The following ZGRF1 variants were observed in gnomAD, a reference collection of about 807,000 sequenced individuals.
The protein encoded by ZGRF1 is zinc finger GRF-type containing 1.
A neutral mutation model predicts 203.5 loss-of-function variants in ZGRF1; 196 were observed. The ratio of observed to expected loss-of-function variants is 0.96; its 90% CI spans 0.86 to 1.08. ZGRF1 has a LOEUF of 1.08. Ranked by LOEUF, ZGRF1 falls within the 50% of genes least tolerant of loss-of-function variation. The pLI is 0.00. For synonymous variants in ZGRF1, 809 were observed against 841.3 expected (o/e 0.96, Z 0.66); for missense variants, 2,326 against 2,416.3 (o/e 0.96, Z 0.78).
chr4:112,541,888 A>T (rs1398010582), intron 24 of ZGRF1, among the ~76,000 whole-genome samples: 2 of 152,186 alleles, frequency 1.3e-5, no homozygotes, highest in Non-Finnish European at 2.9e-5. Context: ...AGCATCTCTT[A>T]AAAAATTAGG....
rs375196369 is a variant in ZGRF1 at position 112,560,826 on chromosome 4, G to C, written c.4867C>G (p.Leu1623Val). ...GCCATCATTTGAGCTATTTGAATTA[G>C]AGCTGTAGCTTGATCCTTGTTTAAC... ...HKLNKDQATA[L>V]IQIAQMMASH... The change falls in exon 19 of 28, where the codon CTA becomes GTA. Residue 1623 changes from leucine (L) to valine (V), a missense_variant. By Grantham distance (32) the Leu-to-Val change is conservative. Coordinates refer to ENST00000505019, the MANE Select transcript of ZGRF1 (RefSeq NM_018392.5). 96 of 1,613,252 alleles carry C rather than the reference G, an allele frequency of 6.0e-5. No homozygotes were observed. Among genetic ancestry groups the C allele is most frequent in the South Asian group, 1.4e-4 (13 of 91,058 alleles).
chr4:112,577,018 C>A (rs186193444), intron 16 of ZGRF1, among the ~76,000 whole-genome samples: 1 of 150,244 alleles, frequency 6.7e-6, no homozygotes, highest in Non-Finnish European at 1.5e-5. Flanking sequence ...ATGTTAAGGG[C>A]GGCCAAAGAG....
chr4:112,563,746 T>G (rs1422011194), intron 16 of ZGRF1, among the ~76,000 whole-genome samples: 2 of 152,226 alleles, frequency 1.3e-5, no homozygotes, highest in Admixed American at 1.3e-4. Context: ...ATTAATATCT[T>G]AAATGAGAAA....
intron 8 of ZGRF1, among the ~76,000 whole-genome samples, chr4:112,608,738 T>C (rs959936452): frequency 9.2e-5 from 14 of 152,226 alleles, no homozygotes; most frequent in African/African-American, 3.4e-4. Flanking sequence ...ATATGTGTAA[T>C]CTTGTTACAT....
Position 112,595,328 on chromosome 4 carries a change from AAT to A in ZGRF1, c.2977-5456_2977-5455del, listed in dbSNP as rs1329516520. On this transcript the variant is annotated intron_variant, in intron 10 of 27. Coordinates refer to ENST00000505019, the MANE Select transcript of ZGRF1 (RefSeq NM_018392.5). ...ACGTTCTAAGTAATTTTGCTGTTTAAATGTCTTCAAAAGATTATACTATGATT... is the reference window on the plus strand; with the variant it reads ...ACGTTCTAAGTAATTTTGCTGTTTAAGTCTTCAAAAGATTATACTATGATT... Among the ~76,000 whole-genome samples the A allele has an allele frequency of 6.8e-3, 1,029 of 152,312 alleles. 15 individuals carry two copies. Among genetic ancestry groups the A allele is most frequent in the African/African-American group, 0.023 (972 of 41,562 alleles).
rs760473394 is a variant in ZGRF1 at position 112,547,317 on chromosome 4, C to T, written c.5566G>A (p.Glu1856Lys). Residue 1856 changes from glutamate (E) to lysine (K), a missense_variant, in exon 24 of 28, where the codon GAA (glutamate) becomes AAA (lysine). Transcript: ENST00000505019. ...GSDAAHENGL[E>K]QTLFDRLCLM... Reference sequence around the variant, plus strand: ...CAAAGTCGATCAAAAAGAGTTTGTTCCAATCCATTTTCATGAGCTGCATCA... The same window carrying T: ...CAAAGTCGATCAAAAAGAGTTTGTTTCAATCCATTTTCATGAGCTGCATCA... The T allele has an allele frequency of 6.2e-7, 1 of 1,613,346 alleles. No homozygotes were observed. Among genetic ancestry groups the T allele is most frequent in the Non-Finnish European group, 8.5e-7 (1 of 1,179,682 alleles).
Position 112,539,974 on chromosome 4 carries a change from T to C in ZGRF1, c.6061A>G (p.Lys2021Glu). 6.2e-7 allele frequency: 1 copy of C among 1,613,822 alleles called. No individual in the cohort carries two copies. The highest frequency in any genetic ancestry group is 8.5e-7 in the Non-Finnish European group (1 of 1,179,780). The change falls in exon 27 of 28, where the codon AAA becomes GAA. Residue 2021 changes from lysine to glutamate, a missense_variant. Transcript: ENST00000505019. ...TRQVGFIDSE[K>E]RMNVALTRGK... is the part of the protein sequence containing the mutation. ...CTAGTCAATGCAACATTCATTCTTT[T>C]TTCTGAATCAATGAATCCTACTTGT...
intron 10 of ZGRF1, among the ~76,000 whole-genome samples, chr4:112,592,061 A>G (rs1009355959): frequency 3.3e-5 from 5 of 151,502 alleles, no homozygotes; most frequent in Admixed American, 1.3e-4. Context: ...AGTTTGCTAC[A>G]TACATGGTCT....
At position 112,558,307 on chromosome 4, in the gene ZGRF1, C is replaced by T. The variant is rs767129302; in HGVS notation, c.4963G>A (p.Val1655Met). 3 of 1,509,928 alleles carry T rather than the reference C, an allele frequency of 2.0e-6. No individual in the cohort carries two copies. The highest frequency in any genetic ancestry group is 2.7e-5 in the South Asian group (2 of 72,874). The allele number at this position is 1,509,928 out of a possible 1,614,324, so 93.5% of individuals were successfully genotyped here. A position where few individuals can be genotyped will look rare whatever the true frequency, so the allele number is the denominator to read the frequency against. The change falls in exon 20 of 28, where the codon GTG becomes ATG. Residue 1655 changes from valine to methionine, a missense_variant and splice_region_variant. Physicochemically the swap from Val to Met is conservative, Grantham distance 21 (BLOSUM62 1). Coordinates refer to ENST00000505019, the MANE Select transcript of ZGRF1 (RefSeq NM_018392.5). Reference protein sequence around the residue: ...HTFPITIIHGVFGAGKSYLLA... With the variant: ...HTFPITIIHGMFGAGKSYLLA... ...AAGTAACTCTTTCCTGCTCCAAACA[C>T]ACCTAATTATTTTAAAAGAAGAAAA...
intron 22 of ZGRF1, 141 bp from the exon 23 acceptor site, chr4:112,548,521 C>T (rs1226626398): frequency 2.3e-5 from 13 of 572,554 alleles, no homozygotes; most frequent in Non-Finnish European, 3.4e-5. Flanking sequence ...CTTAGGTCAT[C>T]GTATCTCCAA....
At chr4:112,548,558 G>T (rs1405508946) in intron 22 of ZGRF1, among the ~76,000 whole-genome samples, 178 bp from the exon 23 acceptor site, 4 of 151,608 alleles carry the variant, frequency 2.6e-5, no homozygotes, top group Non-Finnish European at 5.9e-5. Context: ...CATACAAAAT[G>T]GAAATCAACA....
rs750063454 is a variant in ZGRF1, at chr4:112,581,765, G to T, written c.4336C>A (p.Leu1446Ile). 1.3e-6 allele frequency: 2 copies of T among 1,510,296 alleles called. No individual in the cohort carries two copies. Among genetic ancestry groups the T allele is most frequent in the South Asian group, 2.6e-5 (2 of 76,592 alleles). The allele number at this position is 1,510,296 out of a possible 1,614,324, so 93.6% of individuals were successfully genotyped here. The change falls in exon 16 of 28, where the codon CTA becomes ATA. Residue 1446 changes from leucine to isoleucine, a missense_variant. Transcript: ENST00000505019. ...FDFQRKQYGKLKKFTTVNPEF... is the reference protein window; with the variant it reads ...FDFQRKQYGKIKKFTTVNPEF... ...GGATTTACAGTAGTAAACTTCTTTA[G>T]TTTGCCATACTGTTTTCTCTGAAAA...
At chr4:112,623,207 A>G (rs1015217582) in intron 4 of ZGRF1, among the ~76,000 whole-genome samples, 2 of 152,188 alleles carry the variant, frequency 1.3e-5, no homozygotes, top group African/African-American at 4.8e-5. Context: ...TTATGGCTGT[A>G]TAATATTTCA....
At chr4:112,591,973 C>G (rs764941168) in intron 10 of ZGRF1, among the ~76,000 whole-genome samples, 3 of 152,116 alleles carry the variant, frequency 2.0e-5, no homozygotes, top group Non-Finnish European at 4.4e-5. Context: ...AGACCAAGAA[C>G]AGTGTAACAT....
chr4:112,602,543 A>C (rs1440380540), intron 10 of ZGRF1, among the ~76,000 whole-genome samples: 1 of 152,248 alleles, frequency 6.6e-6, no homozygotes, highest in African/African-American at 2.4e-5. Flanking sequence ...TAATATAACC[A>C]ACATAAGTAT....
At chr4:112,567,015 C>A (rs1444117254) in intron 16 of ZGRF1, among the ~76,000 whole-genome samples, 1 of 151,938 alleles carries the variant, frequency 6.6e-6, no homozygotes, top group Non-Finnish European at 1.5e-5. Context: ...CAGATGGTAA[C>A]TCACTGATCA....
rs1163872358 is a variant in ZGRF1 at position 112,548,245 on chromosome 4, T to C, written c.5474+8A>G. 3.9e-6 allele frequency: 6 copies of C among 1,551,968 alleles called. No homozygotes were observed. Among genetic ancestry groups the C allele is most frequent in the Non-Finnish European group, 5.2e-6 (6 of 1,146,922 alleles). On this transcript the variant is annotated splice_region_variant and intron_variant, in intron 23 of 27. Coordinates refer to ENST00000505019, the MANE Select transcript of ZGRF1 (RefSeq NM_018392.5). ...TATTACCCCTGGGGAAAGAATCTTT[T>C]AGGTTACCTTGCAATGGGAAGGAGA...
At chr4:112,554,075 T>C in intron 21 of ZGRF1, 93 bp from the exon 22 acceptor site, 2 of 1,174,796 alleles carry the variant, frequency 1.7e-6, no homozygotes, top group Non-Finnish European at 2.4e-6. Flanking sequence ...TATTATACTT[T>C]AAGTTTTAGG....
intron 24 of ZGRF1, among the ~76,000 whole-genome samples, chr4:112,543,220 C>T (rs1294873677): frequency 6.6e-6 from 1 of 151,986 alleles, no homozygotes; most frequent in South Asian, 2.1e-4. Flanking sequence ...AGCTAAAGAT[C>T]CCCCTTCATT....
Sources: allele counts gnomAD v4.1 joint callset (sites outside exome capture counted in the v4.1 genomes callset), GRCh38; gene constraint gnomAD v4.1.1; transcripts MANE v1.5; gene names NCBI Gene and HGNC (gene_info 2026-07-23, HGNC 2026-07-21).